The following ELFN1 variants were observed in gnomAD, a reference collection of about 807,000 sequenced individuals.
ELFN1 encodes extracellular leucine rich repeat and fibronectin type III domain containing 1, also known as protein ELFN1.
In ELFN1, 6 loss-of-function variants were observed where a neutral mutation model predicts 7.6. The ratio of observed to expected loss-of-function variants is 0.79; its 90% CI spans 0.43 to 1.56. ELFN1 has a LOEUF of 1.56. ELFN1 is among the 40% of genes most tolerant of loss of function. The pLI is 0.01. For missense variants in ELFN1, 1,169 were observed against 1,232.2 expected (o/e 0.95, Z 0.77); for synonymous variants, 657 against 588.1 (o/e 1.12, Z -1.70).
chr7:1,672,506 C>G (rs985556647), intron 1 of ELFN1, among the ~76,000 whole-genome samples: 2 of 152,140 alleles, frequency 1.3e-5, no homozygotes, highest in Admixed American at 1.3e-4. Context: ...TAGGCTTCAC[C>G]TGCTCTCCAG....
rs1780842527 is a variant in ELFN1 at position 1,747,548 on chromosome 7, G to A, written c.*465G>A. 1 of 165,706 alleles carries A rather than the reference G, an allele frequency of 6.0e-6. No individual in the cohort carries two copies. Among genetic ancestry groups the A allele is most frequent in the South Asian group, 2.1e-4 (1 of 4,830 alleles). The allele number at this position is 165,706 out of a possible 1,614,324, so 10.3% of individuals were successfully genotyped here. On this transcript the variant is annotated 3_prime_UTR_variant, in exon 4 of 4. Transcript: ENST00000424383. ...GGGTGTGGCCGGCGTGGCCACCTCG[G>A]GGCCCCTCACGTGATCTCCTCGGTC...
chr7:1,691,965 C>A (rs1292895060), intron 2 of ELFN1: 1 of 152,276 alleles, frequency 6.6e-6, no homozygotes, highest in Non-Finnish European at 1.5e-5. Flanking sequence ...TGTCTGCCTG[C>A]CAAGGCCAGC....
chr7:1,713,610 G>A (rs11767622), intron 3 of ELFN1, among the ~76,000 whole-genome samples: 1 of 152,340 alleles, frequency 6.6e-6, no homozygotes, highest in Non-Finnish European at 1.5e-5. Flanking sequence ...GACTCCTTCA[G>A]CACCAGGGAG....
intron 3 of ELFN1, among the ~76,000 whole-genome samples, chr7:1,711,790 C>T (rs1779665074): frequency 6.6e-6 from 1 of 152,190 alleles, no homozygotes; most frequent in Non-Finnish European, 1.5e-5. Flanking sequence ...AATGTGAGGG[C>T]GTCCCCACAG....
At chr7:1,683,564 C>A (rs927604713) in intron 1 of ELFN1, among the ~76,000 whole-genome samples, 1 of 152,232 alleles carries the variant, frequency 6.6e-6, no homozygotes, top group East Asian at 1.9e-4. Context: ...GTCAAGTTGG[C>A]GGTAATATTC....
At chr7:1,696,276 TGGAGAG>T (rs1779308794) in intron 2 of ELFN1, among the ~76,000 whole-genome samples, 2 of 67,298 alleles carry the variant, frequency 3.0e-5, no homozygotes, top group Admixed American at 3.1e-4. Context: ...GAGAAAGAGA[TGGAGAG>T]AGAGAGAGAG....
In ELFN1 at chr7:1,695,195, TCCACCAGGAAGG is replaced by T. The variant is rs1779276146; in HGVS notation, c.-456+7055_-456+7066del. Among the ~76,000 whole-genome samples, 1 of 152,150 alleles carries T rather than the reference TCCACCAGGAAGG, an allele frequency of 6.6e-6. No homozygotes were observed. Among genetic ancestry groups the T allele is most frequent in the African/African-American group, 2.4e-5 (1 of 41,440 alleles). On this transcript the variant is annotated intron_variant, in intron 2 of 3. Transcript: ENST00000424383. This position sits in a 1 kb window ranked among gnomAD's most constrained non-coding sequence, Gnocchi z 5.1. ...GCTGGGGCTGTGAGGGTTCTGTCCATCCACCAGGAAGGCCACCAGGACCCTGCTCCTGCCTGA... is the reference window on the plus strand; with the variant it reads ...GCTGGGGCTGTGAGGGTTCTGTCCATCCACCAGGACCCTGCTCCTGCCTGA...
rs747238069 is a variant in ELFN1 at position 1,746,621 on chromosome 7, C to T, written c.2025C>T (p.Pro675=). ...CCAAGTACATCGAGAAGGGCTCCCC[C>T]GCGGCCGACGCCATCCTCACTGTGA... ...AEAKYIEKGS[P]AADAILTVTP... The change falls in exon 4 of 4, where the codon CCC becomes CCT. Residue 675 remains proline, a synonymous_variant. Transcript: ENST00000424383. The T allele has an allele frequency of 1.5e-4, 204 of 1,349,908 alleles. 2 individuals are homozygous for T. In the South Asian group the frequency reaches 2.4e-3, roughly 16 times the overall value. The allele number at this position is 1,349,908 out of a possible 1,614,324, so 83.6% of individuals were successfully genotyped here. A position where few individuals can be genotyped will look rare whatever the true frequency, so the allele number is the denominator to read the frequency against.
chr7:1,678,217 GGGTGCACAGGCACA>G (rs1778908654), intron 1 of ELFN1, among the ~76,000 whole-genome samples: 1 of 152,130 alleles, frequency 6.6e-6, no homozygotes, highest in African/African-American at 2.4e-5. Flanking sequence ...GCATGCACAG[GGGTGCACAGGCACA>G]GGTGCACGCA....
intron 3 of ELFN1, among the ~76,000 whole-genome samples, chr7:1,710,445 C>T (rs1407471763): frequency 6.6e-6 from 1 of 152,198 alleles, no homozygotes; most frequent in East Asian, 1.9e-4. Context: ...CTATCCTGCC[C>T]CCTCACCCCT....
rs943451521 is a variant in ELFN1, at chr7:1,690,450, G to C, written c.-456+2300G>C. 3.3e-5 allele frequency among the ~76,000 whole-genome samples: 5 copies of C among 151,772 alleles called. No individual in the cohort carries two copies. In the East Asian group the frequency reaches 9.7e-4, roughly 29 times the overall value. ...ATGGGTGAATGGATGGATGAAGGAT[G>C]AATGGATGGATGGATAGGTAGATGG... is the stretch of plus-strand genomic sequence containing the variant. On this transcript the variant is annotated intron_variant, in intron 2 of 3. Coordinates refer to ENST00000424383, the MANE Select transcript of ELFN1 (RefSeq NM_001128636.4).
At chr7:1,693,574 G>A (rs1054896643) in intron 2 of ELFN1, 1 of 471,106 alleles carries the variant, frequency 2.1e-6, no homozygotes, top group Admixed American at 2.3e-5. Context: ...TGCTGGGTGT[G>A]TGCACATCTG....
Position 1,747,384 on chromosome 7 carries a change from AT to A in ELFN1, c.*310del, listed in dbSNP as rs919766752. 13 of 266,418 alleles carry A rather than the reference AT, an allele frequency of 4.9e-5. No homozygotes were observed. Among genetic ancestry groups the A allele is most frequent in the South Asian group, 1.8e-4 (1 of 5,610 alleles). The allele number at this position is 266,418 out of a possible 1,614,324, so 16.5% of individuals were successfully genotyped here. A position where few individuals can be genotyped will look rare whatever the true frequency, so the allele number is the denominator to read the frequency against. ...TTAGGGATGGGGGGTGGGGGTGGGG[AT>A]TTTTTTTTCATTATCTTTCCTCTTT... On this transcript the variant is annotated 3_prime_UTR_variant, in exon 4 of 4. Transcript: ENST00000424383.
At position 1,740,223 on chromosome 7, in the gene ELFN1, G is replaced by A. The variant is rs1254712279; in HGVS notation, c.-293-4081G>A. 1.3e-5 allele frequency among the ~76,000 whole-genome samples: 2 copies of A among 152,186 alleles called. No homozygotes were observed. The highest frequency in any genetic ancestry group is 2.9e-5 in the Non-Finnish European group (2 of 68,024). On this transcript the variant is annotated intron_variant, in intron 3 of 3. Transcript: ENST00000424383. The surrounding 1 kb of genome is among the most constrained non-coding windows in gnomAD (Gnocchi z 5.0). ...GGGAGCAGGTGCAGATGGGCTGAGA[G>A]GAAGGGAGCTCCTTTCAGGCAGTGG...
chr7:1,733,307 A>AAATGGTGTGACCGTGTGAGCG (rs1382253594), intron 3 of ELFN1, among the ~76,000 whole-genome samples: 1 of 152,160 alleles, frequency 6.6e-6, no homozygotes, highest in Non-Finnish European at 1.5e-5. Flanking sequence ...TGGGGAGTGG[A>AAATGGTGTGACCGTGTGAGCG]AATGGTGTGA....
chr7:1,738,074 T>A (rs1310100126), intron 3 of ELFN1, among the ~76,000 whole-genome samples: 1 of 152,148 alleles, frequency 6.6e-6, no homozygotes, highest in Non-Finnish European at 1.5e-5. Context: ...CGCCAGCGGC[T>A]GTGAGTGAAC....
chr7:1,676,696 G>A (rs980746126), intron 1 of ELFN1, among the ~76,000 whole-genome samples: 1 of 152,228 alleles, frequency 6.6e-6, no homozygotes, highest in Admixed American at 6.5e-5. Flanking sequence ...GCTGGGGAAG[G>A]GAGAGCAGGT....
At chr7:1,697,952 G>A (rs1562364766) in intron 2 of ELFN1, among the ~76,000 whole-genome samples, 1 of 152,202 alleles carries the variant, frequency 6.6e-6, no homozygotes, top group Non-Finnish European at 1.5e-5. Flanking sequence ...GTGGGGCTGG[G>A]GCCAGGCCTG....
intron 3 of ELFN1, among the ~76,000 whole-genome samples, chr7:1,719,338 C>T (rs1479825941): frequency 1.6e-5 from 2 of 128,610 alleles, no homozygotes; most frequent in Admixed American, 7.2e-5. Flanking sequence ...AACAGGGCCC[C>T]GCCCACCAAC....
Sources: gnomAD v4.1 joint callset for allele counts (sites outside exome capture counted in the v4.1 genomes callset) on GRCh38, gnomAD v4.1.1 for gene constraint, Gnocchi (gnomAD v3.1) non-coding constraint, MANE v1.5 for transcripts, NCBI Gene and HGNC (gene_info 2026-07-23, HGNC 2026-07-21) for gene names.